The following KIRREL3 variants were observed in gnomAD, a reference collection of about 807,000 sequenced individuals.
KIRREL3 encodes the protein kin of IRRE-like protein 3.
KIRREL3 carries 36 observed loss-of-function variants against 89.7 expected under a neutral mutation model. That is an observed-to-expected ratio of 0.40 (90% CI 0.31 to 0.53). KIRREL3 has a LOEUF of 0.53. Ranked by LOEUF, KIRREL3 falls within the 20% of genes least tolerant of loss-of-function variation. The pLI is 0.49. For synonymous variants in KIRREL3, 445 were observed against 441.4 expected, an observed-to-expected ratio of 1.01 and a Z score of -0.10; for missense variants, 864 against 1,056.6, an observed-to-expected ratio of 0.82 and a Z score of 2.53.
At chr11:126,487,560 A>C (rs1591621523) in intron 4 of KIRREL3, among the ~76,000 whole-genome samples, 1 of 152,256 alleles carries the variant, frequency 6.6e-6, no homozygotes, top group Non-Finnish European at 1.5e-5. Flanking sequence ...AAGAGGAAAA[A>C]GTCAAAATCC....
intron 1 of KIRREL3, among the ~76,000 whole-genome samples, chr11:126,737,640 T>C (rs1948848745): frequency 6.6e-6 from 1 of 152,186 alleles, no homozygotes; most frequent in Non-Finnish European, 1.5e-5. Context: ...GCCTGCCTCT[T>C]CCCCAGCTCG....
chr11:126,682,214 A>G lies in KIRREL3; in HGVS notation c.56-119302T>C. ...GTACTAGGTCTGTGGGCTCTGCAAGACTCAAAATCAATTGCTGAAACACTT... is the reference window on the plus strand; with the variant it reads ...GTACTAGGTCTGTGGGCTCTGCAAGGCTCAAAATCAATTGCTGAAACACTT... On this transcript the variant is annotated intron_variant, in intron 1 of 16. Coordinates refer to ENST00000525144, the MANE Select transcript of KIRREL3 (RefSeq NM_032531.4). This position sits in a 1 kb window ranked among gnomAD's most constrained non-coding sequence, Gnocchi z 4.8. 1 of 216,946 alleles carries G rather than the reference A, an allele frequency of 4.6e-6. No homozygotes were observed. The allele number at this position is 216,946 out of a possible 1,614,324, so 13.4% of individuals were successfully genotyped here. A position where few individuals can be genotyped will look rare whatever the true frequency, so the allele number is the denominator to read the frequency against.
intron 1 of KIRREL3, among the ~76,000 whole-genome samples, chr11:126,595,062 T>A (rs1046997226): frequency 2.7e-4 from 41 of 152,340 alleles, no homozygotes; most frequent in African/African-American, 8.9e-4. Context: ...CGTGGCACTG[T>A]TTCCATGCAG....
chr11:126,966,884 G>T (rs1949288333), intron 1 of KIRREL3, among the ~76,000 whole-genome samples: 1 of 152,180 alleles, frequency 6.6e-6, no homozygotes, highest in South Asian at 2.1e-4. Flanking sequence ...AAACAAGAAT[G>T]ACTGTTATTT....
Position 126,976,823 on chromosome 11 carries a change from G to A in KIRREL3, c.55+23632C>T, listed in dbSNP as rs1284921380. 3.3e-5 allele frequency among the ~76,000 whole-genome samples: 5 copies of A among 152,252 alleles called. No individual in the cohort carries two copies. Among genetic ancestry groups the A allele is most frequent in the South Asian group, 2.1e-4 (1 of 4,808 alleles). On this transcript the variant is annotated intron_variant, in intron 1 of 16. Coordinates refer to ENST00000525144, the MANE Select transcript of KIRREL3 (RefSeq NM_032531.4). The surrounding 1 kb of genome is among the most constrained non-coding windows in gnomAD (Gnocchi z 4.2). The stretch of plus-strand genomic sequence containing the variant: ...GAGGGGAGGTTACTACTGGCATAAG[G>A]TTATTACTTCACGGTGGAGCTAGGC...
intron 9 of KIRREL3, among the ~76,000 whole-genome samples, chr11:126,446,104 C>T (rs528721419): frequency 3.5e-5 from 5 of 143,122 alleles, no homozygotes; most frequent in South Asian, 2.2e-4. Context: ...GCCAAGATCA[C>T]GCCGCTGCAC....
chr11:126,963,726 T>C (rs560183510), intron 1 of KIRREL3, among the ~76,000 whole-genome samples: 5 of 152,302 alleles, frequency 3.3e-5, no homozygotes, highest in African/African-American at 1.2e-4. Flanking sequence ...TTATGAAATG[T>C]GTTTCTTACG....
At position 126,744,801 on chromosome 11, in the gene KIRREL3, AG is replaced by A. The variant is rs1357863882; in HGVS notation, c.56-181890del. On this transcript the variant is annotated intron_variant, in intron 1 of 16. Transcript: ENST00000525144. The surrounding 1 kb of genome is among the most constrained non-coding windows in gnomAD (Gnocchi z 4.7). Reference sequence around the variant, plus strand: ...TCCCTGCTAGAATATAGGCTTCATGAGGCAGGTACTGTATTTGCCCTGTTGC... The same window carrying A: ...TCCCTGCTAGAATATAGGCTTCATGAGCAGGTACTGTATTTGCCCTGTTGC... 1.3e-5 allele frequency among the ~76,000 whole-genome samples: 2 copies of A among 151,718 alleles called. No homozygotes were observed. The highest frequency in any genetic ancestry group is 1.3e-4 in the Admixed American group (2 of 15,222).
intron 1 of KIRREL3, among the ~76,000 whole-genome samples, chr11:126,866,734 C>T (rs1014215249): frequency 4.6e-5 from 7 of 152,086 alleles, no homozygotes; most frequent in African/African-American, 9.7e-5. Context: ...CAGTGGCAGA[C>T]GCTGGCAGGC....
intron 1 of KIRREL3, among the ~76,000 whole-genome samples, chr11:126,933,408 C>A (rs143607422): frequency 6.6e-6 from 1 of 151,616 alleles, no homozygotes. Flanking sequence ...CAAGTCATCA[C>A]GTTATCTGCC....
chr11:126,856,447 A>G (rs769247843), intron 1 of KIRREL3, among the ~76,000 whole-genome samples: 15 of 152,094 alleles, frequency 9.9e-5, no homozygotes, highest in Non-Finnish European at 1.9e-4. Flanking sequence ...TGCTCATGAT[A>G]GAATAATCAG....
Position 126,758,186 on chromosome 11 carries a change from C to T in KIRREL3, c.56-195274G>A, listed in dbSNP as rs563687990. 3.3e-5 allele frequency among the ~76,000 whole-genome samples: 5 copies of T among 152,336 alleles called. No individual in the cohort carries two copies. In the East Asian group the frequency reaches 9.6e-4, roughly 29 times the overall value. ...ACTAAATGACTTTTCGATAAAGCTG[C>T]CCAGGCAATTAAGAGCATTAGCATA... is the stretch of plus-strand genomic sequence containing the variant. On this transcript the variant is annotated intron_variant, in intron 1 of 16. Transcript: ENST00000525144.
rs1029473226 is a variant in KIRREL3 at position 126,516,057 on chromosome 11, G to A, written c.433+5258C>T. On this transcript the variant is annotated intron_variant, in intron 4 of 16. Transcript: ENST00000525144. The surrounding 1 kb of genome is among the most constrained non-coding windows in gnomAD (Gnocchi z 4.9). ...CTGAGGAGGCCCTGCAGCTCTGCTG[G>A]TAGAGCTGTGGCAAAGGGAGCTTGT... Among the ~76,000 whole-genome samples the A allele has an allele frequency of 3.3e-5, 5 of 152,302 alleles. No homozygotes were observed. The East Asian group carries it at 9.7e-4, about 29-fold the overall frequency.
intron 4 of KIRREL3, among the ~76,000 whole-genome samples, chr11:126,506,916 C>T (rs1958037977): frequency 6.6e-6 from 1 of 152,198 alleles, no homozygotes; most frequent in Non-Finnish European, 1.5e-5. Context: ...TAAACCACCA[C>T]ACCTGGCCAG....
chr11:126,513,659 G>GT lies in KIRREL3; in HGVS notation c.433+7655dup, dbSNP rs1958302081. ...GTGATGAGGATGGGAGATGGAGTGG[G>GT]TAAAGAGACAGAGGCCATGCCTGCC... On this transcript the variant is annotated intron_variant, in intron 4 of 16. Coordinates refer to ENST00000525144, the MANE Select transcript of KIRREL3 (RefSeq NM_032531.4). This position sits in a 1 kb window ranked among gnomAD's most constrained non-coding sequence, Gnocchi z 5.9. Among the ~76,000 whole-genome samples the GT allele has an allele frequency of 6.6e-6, 1 of 152,128 alleles. No individual in the cohort carries two copies. Among genetic ancestry groups the GT allele is most frequent in the Admixed American group, 6.5e-5 (1 of 15,270 alleles).
At position 126,946,672 on chromosome 11, in the gene KIRREL3, G is replaced by C. The variant is rs911829743; in HGVS notation, c.55+53783C>G. On this transcript the variant is annotated intron_variant, in intron 1 of 16. Coordinates refer to ENST00000525144, the MANE Select transcript of KIRREL3 (RefSeq NM_032531.4). This position sits in a 1 kb window ranked among gnomAD's most constrained non-coding sequence, Gnocchi z 4.1. ...CATTACTTCATAATAAGATTAAATG[G>C]CTGCAAAAAATTCAATGCTTGGATA... 6.6e-6 allele frequency among the ~76,000 whole-genome samples: 1 copy of C among 152,086 alleles called. No individual in the cohort carries two copies. The highest frequency in any genetic ancestry group is 2.4e-5 in the African/African-American group (1 of 41,406).
rs142777565 is a variant in KIRREL3 at position 126,931,081 on chromosome 11, C to A, written c.55+69374G>T. ...TCAGAAAGCTTTGGGCAGTTGGATA[C>A]CCTACCTGTGAGTTCCCACAGGCCT... On this transcript the variant is annotated intron_variant, in intron 1 of 16. Transcript: ENST00000525144. The surrounding 1 kb of genome is among the most constrained non-coding windows in gnomAD (Gnocchi z 5.1). Among the ~76,000 whole-genome samples the A allele has an allele frequency of 8.8e-4, 134 of 152,316 alleles. 1 individual carries two copies. Among genetic ancestry groups the A allele is most frequent in the African/African-American group, 3.1e-3 (130 of 41,578 alleles).
At position 126,747,296 on chromosome 11, in the gene KIRREL3, G is replaced by A. The variant is rs1949185200; in HGVS notation, c.56-184384C>T. Among the ~76,000 whole-genome samples, 1 of 152,184 alleles carries A rather than the reference G, an allele frequency of 6.6e-6. No homozygotes were observed. Among genetic ancestry groups the A allele is most frequent in the Non-Finnish European group, 1.5e-5 (1 of 68,020 alleles). On this transcript the variant is annotated intron_variant, in intron 1 of 16. Transcript: ENST00000525144. The surrounding 1 kb of genome is among the most constrained non-coding windows in gnomAD (Gnocchi z 4.7). Reference sequence around the variant, plus strand: ...TATACTTACAAAGGCTGTTGTATGAGGATTAAATAAAATACTGGGGATAGA... The same window carrying A: ...TATACTTACAAAGGCTGTTGTATGAAGATTAAATAAAATACTGGGGATAGA...
chr11:126,715,225 T>C lies in KIRREL3; in HGVS notation c.56-152313A>G, dbSNP rs1947911375. ...GGAAGAAATCAGTTGAGAAAAACAGTCTTGAGCTACTCAGGCTATCCCCAT... is the reference window on the plus strand; with the variant it reads ...GGAAGAAATCAGTTGAGAAAAACAGCCTTGAGCTACTCAGGCTATCCCCAT... On this transcript the variant is annotated intron_variant, in intron 1 of 16. Transcript: ENST00000525144. The surrounding 1 kb of genome is among the most constrained non-coding windows in gnomAD (Gnocchi z 4.4). Among the ~76,000 whole-genome samples, 1 of 152,160 alleles carries C rather than the reference T, an allele frequency of 6.6e-6. No homozygotes were observed. The highest frequency in any genetic ancestry group is 2.4e-5 in the African/African-American group (1 of 41,432).
Sources: allele counts gnomAD v4.1 joint callset (sites outside exome capture counted in the v4.1 genomes callset), GRCh38; gene constraint gnomAD v4.1.1; non-coding constraint Gnocchi (gnomAD v3.1); transcripts MANE v1.5; gene names NCBI Gene and HGNC (gene_info 2026-07-23, HGNC 2026-07-21).